Variants in SPON2 observed in about 807,000 individuals in gnomAD.
SPON2 encodes the protein spondin 2, also known as spondin-2.
A neutral mutation model predicts 29.9 loss-of-function variants in SPON2; 32 were observed. That is an observed-to-expected ratio of 1.07 (90% CI 0.81 to 1.44). The LOEUF (loss-of-function observed/expected upper bound fraction) is 1.44, where lower values mean the gene tolerates loss of function less well. Among genes scored for constraint, SPON2 ranks in the 40% most tolerant of loss-of-function variants. The pLI, the probability that SPON2 is intolerant of heterozygous loss-of-function variation, is 0.00. For synonymous variants in SPON2, 248 were observed against 209.1 expected, an observed-to-expected ratio of 1.19 and a Z score of -1.61; for missense variants, 541 against 455.5, an observed-to-expected ratio of 1.19 and a Z score of -1.71.
At chr4:1,171,702 C>A in intron 2 of SPON2, 150 bp downstream of exon 2, 3 of 781,098 alleles carry the variant, frequency 3.8e-6, no homozygotes, top group Non-Finnish European at 4.2e-6. Flanking sequence ...CGGAACCGCA[C>A]ACCGCAGGCG....
chr4:1,183,764 T>C (rs1727743888), intron 1 of SPON2, among the ~76,000 whole-genome samples: 1 of 152,182 alleles, frequency 6.6e-6, no homozygotes, highest in African/African-American at 2.4e-5. Flanking sequence ...CATTAGAATG[T>C]TAAATGTAAT....
rs1033875819 is a variant in SPON2, at chr4:1,179,630, G to A, written c.-238-89C>T. 11 of 152,242 alleles carry A rather than the reference G, an allele frequency of 7.2e-5. No individual in the cohort carries two copies. The East Asian group carries it at 7.7e-4, about 11-fold the overall frequency. 9.4% of individuals were successfully genotyped at this position (152,242 alleles called of 1,614,324 possible). On this transcript the variant is annotated intron_variant, in intron 1 of 3. Transcript: ENST00000502483. ...CTATGTAGGGTTATTTTATTTTATC[G>A]ATAAAATAGGCTGAATCTTGGTAAG...
At chr4:1,201,084 G>A (rs763254284) in intron 1 of SPON2, 11 of 452,638 alleles carry the variant, frequency 2.4e-5, no homozygotes, top group South Asian at 1.4e-4. Context: ...GGCCTGGGGC[G>A]CCCATGGATG....
At chr4:1,201,818 C>T (rs1488135974) in intron 1 of SPON2, among the ~76,000 whole-genome samples, 2 of 152,088 alleles carry the variant, frequency 1.3e-5, no homozygotes, top group African/African-American at 4.8e-5. Context: ...CTCCTGACCT[C>T]GTGATCCAGC....
Position 1,171,266 on chromosome 4 carries a change from C to G in SPON2, c.441G>C (p.Ser147=). The G allele has an allele frequency of 6.6e-7, 1 of 1,506,586 alleles. No individual in the cohort carries two copies. Among genetic ancestry groups the G allele is most frequent in the Non-Finnish European group, 8.8e-7 (1 of 1,135,078 alleles). The allele number at this position is 1,506,586 out of a possible 1,614,324, so 93.3% of individuals were successfully genotyped here. A position where few individuals can be genotyped will look rare whatever the true frequency, so the allele number is the denominator to read the frequency against. The change falls in exon 3 of 6, where the codon TCG becomes TCC. Residue 147 remains serine (S), a synonymous_variant. Coordinates refer to ENST00000290902, the MANE Select transcript of SPON2 (RefSeq NM_012445.4). ...CCCCGGCCGGCCCCGCGCTCACCAG[C>G]GAGTGCCTGCGCTGCACCTCCAGCT... The part of the protein sequence containing the change: ...SAELEVQRRH[S]LVSFVVRIVP...
At chr4:1,171,783 G>T in intron 2 of SPON2, 69 bp downstream of exon 2, 2 of 1,067,552 alleles carry the variant, frequency 1.9e-6, no homozygotes, top group Non-Finnish European at 1.5e-6. Flanking sequence ...CCGCCGTGCA[G>T]CTGTGCGGGG....
upstream of SPON2, among the ~76,000 whole-genome samples, chr4:1,198,503 T>G (rs189609380): frequency 3.1e-4 from 47 of 152,122 alleles, no homozygotes; most frequent in Admixed American, 2.9e-3. Flanking sequence ...GAGAAAACCA[T>G]AGACAAATAT....
At chr4:1,173,695 A>T (rs1441538738), upstream of SPON2, among the ~76,000 whole-genome samples, 1 of 152,256 alleles carries the variant, frequency 6.6e-6, no homozygotes, top group African/African-American at 2.4e-5. Context: ...GAACCCTGTT[A>T]ATGTTTCACA....
At chr4:1,195,108 G>GTTCCAACCCCGCAGCCGGCGT (rs1728034077) in exon 1 of SPON2, 1 of 146,118 alleles carries the variant, frequency 6.8e-6, no homozygotes, top group Non-Finnish European at 1.5e-5. Flanking sequence ...GCAGCCGGCG[G>GTTCCAACCCCGCAGCCGGCGT]CTCCAACCCC....
In SPON2 at chr4:1,167,301, C is replaced by T. The variant is rs1050153978; in HGVS notation, c.*171G>A. On this transcript the variant is annotated 3_prime_UTR_variant, in exon 6 of 6. Coordinates refer to ENST00000290902, the MANE Select transcript of SPON2 (RefSeq NM_012445.4). Reference sequence around the variant, plus strand: ...AAGGAGGAGGCTGTTTCCCAATGCCCGTGCCGGCCACCAGAGGGCCCTTCA... The same window carrying T: ...AAGGAGGAGGCTGTTTCCCAATGCCTGTGCCGGCCACCAGAGGGCCCTTCA... 3 of 637,924 alleles carry T rather than the reference C, an allele frequency of 4.7e-6. No individual in the cohort carries two copies. The highest frequency in any genetic ancestry group is 7.7e-6 in the Non-Finnish European group (3 of 389,646). The allele number at this position is 637,924 out of a possible 1,614,324, so 39.5% of individuals were successfully genotyped here.
At chr4:1,174,250 G>C (rs1727542888), upstream of SPON2, among the ~76,000 whole-genome samples, 1 of 151,746 alleles carries the variant, frequency 6.6e-6, no homozygotes, top group African/African-American at 2.4e-5. Flanking sequence ...ACTTTGGGAG[G>C]CCAGGGCGGG....
At chr4:1,172,291 G>A in intron 1 of SPON2, 1 of 594,680 alleles carries the variant, frequency 1.7e-6, no homozygotes, top group East Asian at 2.8e-5. Flanking sequence ...CGAGCGACCA[G>A]GGGTAACGGG....
At chr4:1,203,522 C>T (rs760762534) in intron 1 of SPON2, among the ~76,000 whole-genome samples, 14 of 152,158 alleles carry the variant, frequency 9.2e-5, no homozygotes, top group Non-Finnish European at 1.6e-4. Context: ...GTAGGCTGTG[C>T]CCACCTTTGG....
intron 1 of SPON2, chr4:1,194,938 G>T (rs1728016128): frequency 6.8e-6 from 1 of 146,204 alleles, no homozygotes; most frequent in South Asian, 2.1e-4. Context: ...CCCGCAGCCG[G>T]CGGCTCCAAC....
chr4:1,182,065 A>T (rs1225148281), intron 1 of SPON2, among the ~76,000 whole-genome samples: 1 of 152,222 alleles, frequency 6.6e-6, no homozygotes, highest in Non-Finnish European at 1.5e-5. Flanking sequence ...CTTGGCACAG[A>T]GAAAGCCTAC....
chr4:1,206,013 G>A (rs533602814), intron 1 of SPON2, among the ~76,000 whole-genome samples: 1 of 152,010 alleles, frequency 6.6e-6, no homozygotes, highest in East Asian at 1.9e-4. Flanking sequence ...AGGGAGTGGG[G>A]GGTTGGGGGC....
intron 1 of SPON2, among the ~76,000 whole-genome samples, chr4:1,206,446 G>A (rs1334732647): frequency 6.6e-6 from 1 of 152,254 alleles, no homozygotes. Context: ...TGGGGCCAGA[G>A]GGCCACGCTG....
chr4:1,200,778 C>A, intron 1 of SPON2: 3 of 456,254 alleles, frequency 6.6e-6, no homozygotes, highest in South Asian at 4.7e-5. Context: ...GCCCCCCACC[C>A]CTCTGGTCCC....
chr4:1,171,401 C>G lies in SPON2; in HGVS notation c.306G>C (p.Glu102Asp). 6.2e-7 allele frequency: 1 copy of G among 1,612,314 alleles called. No individual in the cohort carries two copies. Among genetic ancestry groups the G allele is most frequent in the Non-Finnish European group, 8.5e-7 (1 of 1,179,784 alleles). ...CGATCTCCTTCATCAGCGCCCAGGC[C>G]TCGCCGCGCTCCGCAAAGTCGCGCA... ...NGLRDFAERG[E>D]AWALMKEIEA... The change falls in exon 3 of 6, where the codon GAG (glutamate) becomes GAC (aspartate). Residue 102 changes from glutamate to aspartate, a missense_variant. Glu to Asp is a conservative substitution (Grantham distance 45). Coordinates refer to ENST00000290902, the MANE Select transcript of SPON2 (RefSeq NM_012445.4).
Sources: allele counts gnomAD v4.1 joint callset (sites outside exome capture counted in the v4.1 genomes callset), GRCh38; gene constraint gnomAD v4.1.1; transcripts MANE v1.5; gene names NCBI Gene and HGNC (gene_info 2026-07-23, HGNC 2026-07-21).